Variants in RAB33A observed in about 807,000 individuals in gnomAD.
The protein encoded by RAB33A is ras-related protein Rab-33A.
RAB33A carries 6 observed loss-of-function variants against 12.0 expected under a neutral mutation model. The observed-to-expected ratio is 0.50, with a 90% confidence interval of 0.27 to 0.99. RAB33A has a LOEUF of 0.99. Among genes scored for constraint, RAB33A ranks in the 50% least tolerant of loss-of-function variants. The probability of loss-of-function intolerance (pLI) is 0.11; values close to 1 mark genes in which losing one functional copy is unlikely to be tolerated. For missense variants in RAB33A, 109 were observed against 192.0 expected (o/e 0.57, Z 2.55); for synonymous variants, 70 against 82.4 (o/e 0.85, Z 0.81).
chrX:130,168,899 G>T (rs926999723), upstream of RAB33A, among the ~76,000 whole-genome samples: 28 of 110,252 alleles, frequency 2.5e-4, no homozygotes, highest in African/African-American at 9.3e-4. Context: ...TTAGGCCAGG[G>T]GATAAATATT....
chrX:130,166,990 C>T (rs187068825), upstream of RAB33A, among the ~76,000 whole-genome samples: 519 of 111,775 alleles, frequency 4.6e-3, 3 homozygotes, highest in African/African-American at 0.016. Context: ...TGACATATAC[C>T]GGTCATTGAA....
the RAB33A span, among the ~76,000 whole-genome samples, chrX:130,144,167 T>A: frequency 9.0e-6 from 1 of 111,215 alleles, no homozygotes; most frequent in African/African-American, 3.3e-5. Flanking sequence ...ACCTCTTACT[T>A]TCTTCTTCTT....
At chrX:130,132,795 G>A in the RAB33A span, among the ~76,000 whole-genome samples, 139 of 103,736 alleles carry the variant, frequency 1.3e-3, 1 homozygote, top group African/African-American at 4.7e-3. Context: ...CACCCAGGCC[G>A]GAGTGCAGTG....
chrX:130,165,744 C>G, the RAB33A span: 1 of 781,741 alleles, frequency 1.3e-6, no homozygotes, highest in Non-Finnish European at 1.9e-6. Flanking sequence ...GGCCAGCTCC[C>G]CCAGTCTCTT....
At chrX:130,153,806 C>T in the RAB33A span, among the ~76,000 whole-genome samples, 1 of 111,840 alleles carries the variant, frequency 8.9e-6, no homozygotes, top group Non-Finnish European at 1.9e-5. Flanking sequence ...AAACTGAACC[C>T]TGTGTGACCT....
At chrX:130,160,531 G>A in the RAB33A span, among the ~76,000 whole-genome samples, 1 of 112,050 alleles carries the variant, frequency 8.9e-6, no homozygotes, top group African/African-American at 3.2e-5. Context: ...AATGAAGGAA[G>A]GAAATAGAAA....
At chrX:130,182,681 G>C (rs999239805) in intron 1 of RAB33A, among the ~76,000 whole-genome samples, 2 of 109,786 alleles carry the variant, frequency 1.8e-5, no homozygotes, top group South Asian at 4.0e-4. Context: ...TTGAACCCAG[G>C]TGGCAGAGGT....
chrX:130,133,560 T>A, the RAB33A span: 1 of 980,009 alleles, frequency 1.0e-6, no homozygotes. Flanking sequence ...TAATGGTAAC[T>A]AATTCATGTT....
the RAB33A span, chrX:130,165,930 T>C: frequency 2.5e-6 from 1 of 394,722 alleles, no homozygotes; most frequent in South Asian, 3.3e-5. Flanking sequence ...ATGCACTAGC[T>C]GGCCGCAAGC....
upstream of RAB33A, among the ~76,000 whole-genome samples, chrX:130,167,441 A>C (rs933326362): frequency 8.8e-6 from 1 of 113,167 alleles, no homozygotes; most frequent in Non-Finnish European, 1.9e-5. Context: ...TAGAGAGTAC[A>C]TACTAAGAAG....
chrX:130,138,940 G>A, the RAB33A span, among the ~76,000 whole-genome samples: 1 of 111,385 alleles, frequency 9.0e-6, no homozygotes, highest in South Asian at 3.8e-4. Context: ...AGGACATCTG[G>A]CAATATCTGA....
the RAB33A span, chrX:130,137,416 T>C: frequency 8.6e-7 from 1 of 1,157,800 alleles, no homozygotes; most frequent in South Asian, 2.0e-5. Context: ...AAGCTTCAGA[T>C]GGTGAACTCT....
At chrX:130,150,382 C>T in the RAB33A span, among the ~76,000 whole-genome samples, 1 of 79,848 alleles carries the variant, frequency 1.3e-5, no homozygotes, top group Non-Finnish European at 2.2e-5. Context: ...GTTGCCCAGG[C>T]TGGAGTGCAG....
At chrX:130,136,694 G>A in the RAB33A span, 16 of 1,208,216 alleles carry the variant, frequency 1.3e-5, no homozygotes, top group East Asian at 3.9e-4. Context: ...TGACTCCAAC[G>A]GATTGCACAA....
At chrX:130,165,830 G>T in the RAB33A span, 1 of 506,167 alleles carries the variant, frequency 2.0e-6, no homozygotes, top group Non-Finnish European at 3.5e-6. Context: ...GCTAGAGCCG[G>T]GGAAGGGGAA....
Position 130,172,057 on chromosome X carries a change from G to C in RAB33A, c.-6G>C. The C allele has an allele frequency of 1.7e-6, 2 of 1,203,658 alleles. No homozygotes were observed. Among genetic ancestry groups the C allele is most frequent in the Non-Finnish European group, 2.2e-6 (2 of 892,181 alleles). On this transcript the variant is annotated 5_prime_UTR_variant, in exon 1 of 2. Transcript: ENST00000257017. ...GGGGTTGGGGCCCCGGTTCGGTCCG[G>C]GGGAGATGGCGCAGCCCATCCTGGG...
the RAB33A span, among the ~76,000 whole-genome samples, chrX:130,157,226 CCTT>C: frequency 8.9e-6 from 1 of 112,065 alleles, no homozygotes; most frequent in African/African-American, 3.2e-5. Flanking sequence ...TCCAGCAACT[CCTT>C]GACTCTTACT....
chrX:130,148,452 T>A, the RAB33A span, among the ~76,000 whole-genome samples: 1 of 111,792 alleles, frequency 8.9e-6, no homozygotes, highest in Non-Finnish European at 1.9e-5. Context: ...GGGTATGTGC[T>A]TTAGGAAAGC....
upstream of RAB33A, among the ~76,000 whole-genome samples, chrX:130,170,943 C>T (rs372304704): frequency 3.0e-4 from 34 of 113,056 alleles, no homozygotes; most frequent in East Asian, 6.4e-3. Flanking sequence ...AGCTTCCCCC[C>T]CTTCTCCTAG....
Sources: allele counts gnomAD v4.1 joint callset (sites outside exome capture counted in the v4.1 genomes callset), GRCh38; gene constraint gnomAD v4.1.1; transcripts MANE v1.5; gene names NCBI Gene and HGNC (gene_info 2026-07-23, HGNC 2026-07-21).